UGT1A10: variants seen among roughly 807,000 people sequenced by gnomAD.
UGT1A10 encodes the protein UDP glucuronosyltransferase family 1 member A10, also known as UDP-glucuronosyltransferase 1A10.
Under a neutral mutation model 45.8 loss-of-function variants are expected in UGT1A10, and 49 were observed. The observed-to-expected ratio is 1.07, with a 90% CI of 0.85 to 1.36. The LOEUF is 1.36. UGT1A10 is among the 40% of genes most tolerant of loss of function. The pLI, the probability that UGT1A10 is intolerant of heterozygous loss-of-function variation, is 0.00. For synonymous variants in UGT1A10, 284 were observed against 249.7 expected (o/e 1.14, Z -1.29); for missense variants, 745 against 668.6 (o/e 1.11, Z -1.26).
At chr2:233,712,679 A>G (rs1030687353) in intron 1 of UGT1A10, among the ~76,000 whole-genome samples, 1 of 152,224 alleles carries the variant, frequency 6.6e-6, no homozygotes, top group African/African-American at 2.4e-5. Context: ...AGACAGTGAC[A>G]TGAAATGGGG....
At chr2:233,713,112 TG>T (rs2076279205) in intron 1 of UGT1A10, 13 of 1,614,212 alleles carry the variant, frequency 8.1e-6, no homozygotes, top group Non-Finnish European at 1.1e-5. Context: ...TGGCAGCCAC[TG>T]GCTCAGCATG....
chr2:233,743,520 G>A (rs759007678), intron 1 of UGT1A10: 1 of 1,367,248 alleles, frequency 7.3e-7, no homozygotes, highest in Non-Finnish European at 9.8e-7. Flanking sequence ...CTCTGCTTCT[G>A]CTTCCCCAGC....
At chr2:233,640,819 C>T (rs539710641) in intron 1 of UGT1A10, among the ~76,000 whole-genome samples, 1 of 152,244 alleles carries the variant, frequency 6.6e-6, no homozygotes, top group South Asian at 2.1e-4. Flanking sequence ...CCTTCACTCA[C>T]ATGCCAAAGA....
chr2:233,738,651 A>G (rs1690862678), intron 1 of UGT1A10, among the ~76,000 whole-genome samples: 1 of 152,234 alleles, frequency 6.6e-6, no homozygotes, highest in Non-Finnish European at 1.5e-5. Context: ...GCTCTTTGGA[A>G]CTACGAACTT....
chr2:233,729,670 T>C, intron 1 of UGT1A10: 1 of 1,613,952 alleles, frequency 6.2e-7, no homozygotes, highest in Non-Finnish European at 8.5e-7. Context: ...TGATTTAGAC[T>C]TTAAGGGCAC....
At chr2:233,689,215 AC>A (rs2074932352) in intron 1 of UGT1A10, among the ~76,000 whole-genome samples, 1 of 152,178 alleles carries the variant, frequency 6.6e-6, no homozygotes, top group South Asian at 2.1e-4. Flanking sequence ...AGCCATACTT[AC>A]CTGCACTTCC....
intron 1 of UGT1A10, among the ~76,000 whole-genome samples, chr2:233,667,296 T>C (rs2074099316): frequency 6.6e-6 from 1 of 152,210 alleles, no homozygotes; most frequent in African/African-American, 2.4e-5. Context: ...ATTCCCTATT[T>C]AATAAATGGT....
intron 1 of UGT1A10, among the ~76,000 whole-genome samples, chr2:233,705,039 G>A (rs2075818436): frequency 6.6e-6 from 1 of 152,078 alleles, no homozygotes; most frequent in Non-Finnish European, 1.5e-5. Flanking sequence ...GGGAGGCTGA[G>A]GCAGGAGAAT....
intron 1 of UGT1A10, among the ~76,000 whole-genome samples, chr2:233,714,517 G>T (rs935645959): frequency 6.6e-6 from 1 of 152,118 alleles, no homozygotes; most frequent in Non-Finnish European, 1.5e-5. Context: ...TTCTTACTAG[G>T]TTAACTTCAT....
At chr2:233,703,132 G>A (rs1172659956) in intron 1 of UGT1A10, among the ~76,000 whole-genome samples, 3 of 152,068 alleles carry the variant, frequency 2.0e-5, no homozygotes. Flanking sequence ...TACCTGTTAT[G>A]GCTTTATTTA....
chr2:233,657,640 G>A (rs976520342), intron 1 of UGT1A10, among the ~76,000 whole-genome samples: 1 of 152,156 alleles, frequency 6.6e-6, no homozygotes, highest in Non-Finnish European at 1.5e-5. Context: ...CTTGACTTGA[G>A]GGAGTCAGAT....
At position 233,672,596 on chromosome 2, in the gene UGT1A10, A is replaced by C. The variant is rs774560649; in HGVS notation, c.855+35219A>C. The stretch of plus-strand genomic sequence containing the variant: ...CACTTGGAGGAACATTTATTATGCC[A>C]CCGTTTTTTCAAAAATGCCCTAGAA... On this transcript the variant is annotated intron_variant, in intron 1 of 4. Coordinates refer to ENST00000344644, the MANE Select transcript of UGT1A10 (RefSeq NM_019075.4). 11 of 1,613,858 alleles carry C rather than the reference A, an allele frequency of 6.8e-6. No individual in the cohort carries two copies. In the South Asian group the frequency reaches 1.2e-4, roughly 18 times the overall value.
At chr2:233,713,195 C>T in intron 1 of UGT1A10, 4 of 1,614,230 alleles carry the variant, frequency 2.5e-6, no homozygotes, top group South Asian at 2.2e-5. Flanking sequence ...TGAATATGTA[C>T]ATCAAAGAAG....
chr2:233,693,756 CTGTT>C (rs1404179163), intron 1 of UGT1A10: 1 of 1,614,130 alleles, frequency 6.2e-7, no homozygotes, highest in Admixed American at 1.7e-5. Context: ...CAGAAGGTCT[CTGTT>C]TGGCTGTTAA....
At chr2:233,743,297 T>C in intron 1 of UGT1A10, 1 of 557,200 alleles carries the variant, frequency 1.8e-6, no homozygotes, top group South Asian at 1.6e-5. Context: ...TTCTCAATGA[T>C]TCTCTTGGTG....
In UGT1A10 at chr2:233,773,045, T is replaced by C. The variant is rs1700563904; in HGVS notation, c.*486T>C. ...GTGTGTTTAAAGAAGGGAAGCTTTG[T>C]ACCTTTAGAGTGTAGGTGAAATGAA... On this transcript the variant is annotated 3_prime_UTR_variant, in exon 5 of 5. Transcript: ENST00000344644. 1 of 194,454 alleles carries C rather than the reference T, an allele frequency of 5.1e-6. No homozygotes were observed. Among genetic ancestry groups the C allele is most frequent in the Non-Finnish European group, 1.1e-5 (1 of 92,946 alleles). The allele number at this position is 194,454 out of a possible 1,614,324, so 12.0% of individuals were successfully genotyped here.
chr2:233,694,994 A>G (rs1243890863), intron 1 of UGT1A10, among the ~76,000 whole-genome samples: 2 of 152,138 alleles, frequency 1.3e-5, no homozygotes, highest in South Asian at 2.1e-4. Context: ...GAACATTCCC[A>G]TTCTTCATTT....
intron 1 of UGT1A10, among the ~76,000 whole-genome samples, chr2:233,664,549 A>G (rs2074036454): frequency 6.6e-6 from 1 of 152,190 alleles, no homozygotes; most frequent in South Asian, 2.1e-4. Flanking sequence ...AGCCTCAGGG[A>G]GTGTTTACTC....
chr2:233,701,054 A>C (rs1431935742), intron 1 of UGT1A10, among the ~76,000 whole-genome samples: 1 of 152,054 alleles, frequency 6.6e-6, no homozygotes, highest in Non-Finnish European at 1.5e-5. Context: ...TGAACTCATA[A>C]TTTTTTATGG....
Sources: gnomAD v4.1 joint callset for allele counts (sites outside exome capture counted in the v4.1 genomes callset) on GRCh38, gnomAD v4.1.1 for gene constraint, MANE v1.5 for transcripts, NCBI Gene and HGNC (gene_info 2026-07-23, HGNC 2026-07-21) for gene names.